Variants in TEX55 observed in about 807,000 individuals in gnomAD.
The protein encoded by TEX55 is testis expressed 55, also known as testis-specific expressed protein 55.
Under a neutral mutation model 44.6 loss-of-function variants are expected in TEX55, and 31 were observed. The ratio of observed to expected loss-of-function variants is 0.69; its 90% CI spans 0.52 to 0.94. The LOEUF (loss-of-function observed/expected upper bound fraction) is 0.94. TEX55 is among the 40% of genes least tolerant of loss of function. The pLI is 0.00. For synonymous variants in TEX55, 230 were observed against 230.9 expected, an observed-to-expected ratio of 1.00 and a Z score of 0.04; for missense variants, 639 against 638.4, an observed-to-expected ratio of 1.00 and a Z score of -0.01.
At chr3:119,150,335 GAA>G (rs11308951) in intron 2 of TEX55, among the ~76,000 whole-genome samples, 2 of 151,840 alleles carry the variant, frequency 1.3e-5, no homozygotes, top group Non-Finnish European at 2.9e-5. Flanking sequence ...CACCTGTGAA[GAA>G]AAAAACTGCT....
Position 119,151,346 on chromosome 3 carries a change from C to A in TEX55, c.*54C>A. 6.9e-7 allele frequency: 1 copy of A among 1,458,712 alleles called. No homozygotes were observed. The highest frequency in any genetic ancestry group is 9.6e-7 in the Non-Finnish European group (1 of 1,043,042). 90.4% of individuals were successfully genotyped at this position (1,458,712 alleles called of 1,614,324 possible). The stretch of plus-strand genomic sequence containing the variant: ...TCTCTTTATTGTAAAATACAGCACA[C>A]ATACAGCAAAGTGTATAGAACAAAG... On this transcript the variant is annotated 3_prime_UTR_variant, in exon 3 of 3. Coordinates refer to ENST00000295622, the MANE Select transcript of TEX55 (RefSeq NM_152539.3).
At position 119,151,292 on chromosome 3, in the gene TEX55, G is replaced by A; in HGVS notation, c.1611G>A (p.Ter537=). The A allele has an allele frequency of 6.2e-7, 1 of 1,612,292 alleles. No homozygotes were observed. Among genetic ancestry groups the A allele is most frequent in the Non-Finnish European group, 8.5e-7 (1 of 1,178,788 alleles). The change falls in exon 3 of 3, where the codon TAG becomes TAA. Residue 537 remains the stop codon, a stop_retained_variant. Coordinates refer to ENST00000295622, the MANE Select transcript of TEX55 (RefSeq NM_152539.3). ...DPLNFMLCQV[*] ...TGAATTTTATGCTGTGCCAGGTATA[G>A]AATTGGAGAAAAAGAACAACCTTTT... is the stretch of plus-strand genomic sequence containing the variant.
rs747327549 is a variant in TEX55 at position 119,146,993 on chromosome 3, AAGAAGTTCTG to A, written c.810_819del (p.Ser270ArgfsTer32). 5 of 1,614,020 alleles carry A rather than the reference AAGAAGTTCTG, an allele frequency of 3.1e-6. No homozygotes were observed. The highest frequency in any genetic ancestry group is 4.2e-6 in the Non-Finnish European group (5 of 1,180,002). On this transcript the variant is annotated frameshift_variant, in exon 1 of 3. Transcript: ENST00000295622. LOFTEE classifies it high-confidence loss of function. ...GCAGAATGTCAGGGAAAGTTAGGAG[AAGAAGTTCTG>A]AGAAGACTGACTACAGATTGGCTGG... is the stretch of plus-strand genomic sequence containing the variant.
At chr3:119,150,299 A>G (rs1249406635) in intron 2 of TEX55, among the ~76,000 whole-genome samples, 1 of 146,876 alleles carries the variant, frequency 6.8e-6, no homozygotes, top group African/African-American at 2.5e-5. Context: ...GAGACAGTAG[A>G]GTTTTAATCA....
In TEX55 at chr3:119,147,475, C is replaced by T. The variant is rs1348464056; in HGVS notation, c.1286C>T (p.Thr429Ile). The T allele has an allele frequency of 1.9e-6, 3 of 1,614,132 alleles. No homozygotes were observed. The highest frequency in any genetic ancestry group is 2.5e-6 in the Non-Finnish European group (3 of 1,180,026). The change falls in exon 1 of 3, where the codon ACC (threonine) becomes ATC (isoleucine). Residue 429 changes from threonine (T) to isoleucine (I), a missense_variant. By Grantham distance (89) the Thr-to-Ile change is moderately conservative. Coordinates refer to ENST00000295622, the MANE Select transcript of TEX55 (RefSeq NM_152539.3). ...PPYNPVDARF[T>I]SNFQAKDQAL... ...TACAACCCAGTTGATGCCAGATTCA[C>T]CAGTAACTTCCAAGCAAAAGACCAA...
chr3:119,147,550 G>A lies in TEX55; in HGVS notation c.1361G>A (p.Ser454Asn). ...ATCTCATCCAAATTGAACTATACCA[G>A]CAGTCAAGAAAAAACTCAAGCCATA... ...PSISSKLNYT[S>N]SQEKTQAIVT... The change falls in exon 1 of 3, where the codon AGC (serine) becomes AAC (asparagine). Residue 454 changes from serine to asparagine, a missense_variant. Ser to Asn is a conservative substitution (Grantham distance 46). Transcript: ENST00000295622. 1 of 1,613,444 alleles carries A rather than the reference G, an allele frequency of 6.2e-7. No individual in the cohort carries two copies. The highest frequency in any genetic ancestry group is 8.5e-7 in the Non-Finnish European group (1 of 1,179,886).
In TEX55 at chr3:119,146,738, A is replaced by G. The variant is rs1559891466; in HGVS notation, c.549A>G (p.Ala183=). 4 of 1,614,158 alleles carry G rather than the reference A, an allele frequency of 2.5e-6. No homozygotes were observed. Among genetic ancestry groups the G allele is most frequent in the Non-Finnish European group, 3.4e-6 (4 of 1,179,994 alleles). Residue 183 remains alanine, a synonymous_variant, in exon 1 of 3, where the codon GCA becomes GCG. Coordinates refer to ENST00000295622, the MANE Select transcript of TEX55 (RefSeq NM_152539.3). ...RGSRQTDHRM[A]GQSERRASEQ... ...CCAGACAGACCGACCACAGAATGGC[A>G]GGCCAGTCTGAGAGAAGAGCTTCCG...
At position 119,146,469 on chromosome 3, in the gene TEX55, C is replaced by T. The variant is rs771952122; in HGVS notation, c.280C>T (p.Pro94Ser). Residue 94 changes from proline (P) to serine (S), a missense_variant, in exon 1 of 3, where the codon CCT becomes TCT. Physicochemically the swap from Pro to Ser is moderately conservative, Grantham distance 74. Transcript: ENST00000295622. ...PGQAGRRASN[P>S]ADVSDLRADD... ...TCAGGCTGGCCGCAGAGCATCCAAC[C>T]CTGCTGATGTTTCTGACCTTAGAGC... 5 of 1,614,136 alleles carry T rather than the reference C, an allele frequency of 3.1e-6. No homozygotes were observed. The highest frequency in any genetic ancestry group is 4.2e-6 in the Non-Finnish European group (5 of 1,180,036).
rs770171918 is a variant in TEX55, at chr3:119,148,224, C to T, written c.1443C>T (p.Arg481=). 1 of 1,611,188 alleles carries T rather than the reference C, an allele frequency of 6.2e-7. No homozygotes were observed. The highest frequency in any genetic ancestry group is 8.5e-7 in the Non-Finnish European group (1 of 1,178,688). The change falls in exon 2 of 3, where the codon CGC becomes CGT. Residue 481 remains arginine, a synonymous_variant. Coordinates refer to ENST00000295622, the MANE Select transcript of TEX55 (RefSeq NM_152539.3). ...ACCAAGGAAAGGGTTATCATATACG[C>T]AATCAAACTTATAGAAGGTTCCCTT... ...EIDQGKGYHI[R]NQTYRRFPSI...
At position 119,146,679 on chromosome 3, in the gene TEX55, G is replaced by A; in HGVS notation, c.490G>A (p.Gly164Ser). The change falls in exon 1 of 3, where the codon GGT becomes AGT. Residue 164 changes from glycine to serine, a missense_variant. Gly to Ser is a moderately conservative substitution (Grantham distance 56). Transcript: ENST00000295622. ...GAGAAGAACTTCTGGGCAGATTGATGGTAGACTGGCTATGCCATCTGACCA... is the reference window on the plus strand; with the variant it reads ...GAGAAGAACTTCTGGGCAGATTGATAGTAGACTGGCTATGCCATCTGACCA... Reference protein sequence around the residue: ...AERRTSGQIDGRLAMPSDQRG... With the variant: ...AERRTSGQIDSRLAMPSDQRG... 6.2e-7 allele frequency: 1 copy of A among 1,614,204 alleles called. No homozygotes were observed. The highest frequency in any genetic ancestry group is 8.5e-7 in the Non-Finnish European group (1 of 1,180,038).
Position 119,151,313 on chromosome 3 carries a change from C to T in TEX55, c.*21C>T. 6.2e-7 allele frequency: 1 copy of T among 1,604,644 alleles called. No homozygotes were observed. The highest frequency in any genetic ancestry group is 8.5e-7 in the Non-Finnish European group (1 of 1,172,214). ...TATAGAATTGGAGAAAAAGAACAACCTTTTTATTCTCTTTATTGTAAAATA... is the reference window on the plus strand; with the variant it reads ...TATAGAATTGGAGAAAAAGAACAACTTTTTTATTCTCTTTATTGTAAAATA... On this transcript the variant is annotated 3_prime_UTR_variant, in exon 3 of 3. Coordinates refer to ENST00000295622, the MANE Select transcript of TEX55 (RefSeq NM_152539.3).
rs1308435351 is a variant in TEX55 at position 119,146,353 on chromosome 3, C to CT, written c.165dup (p.Ala56CysfsTer6). The stretch of plus-strand genomic sequence containing the variant: ...ACTGCTCACAGAATAGCTGACCAGA[C>CT]TGCCCTAAGAGTGCCTAGCCAGGCT... On this transcript the variant is annotated frameshift_variant, in exon 1 of 3. Coordinates refer to ENST00000295622, the MANE Select transcript of TEX55 (RefSeq NM_152539.3). LOFTEE classifies it high-confidence loss of function. 27 of 1,614,050 alleles carry CT rather than the reference C, an allele frequency of 1.7e-5. No individual in the cohort carries two copies. Among genetic ancestry groups the CT allele is most frequent in the African/African-American group, 4.0e-5 (3 of 74,934 alleles).
rs1348458644 is a variant in TEX55 at position 119,151,312 on chromosome 3, C to A, written c.*20C>A. 6.2e-7 allele frequency: 1 copy of A among 1,603,860 alleles called. No homozygotes were observed. Among genetic ancestry groups the A allele is most frequent in the African/African-American group, 1.3e-5 (1 of 74,620 alleles). On this transcript the variant is annotated 3_prime_UTR_variant, in exon 3 of 3. Coordinates refer to ENST00000295622, the MANE Select transcript of TEX55 (RefSeq NM_152539.3). ...GTATAGAATTGGAGAAAAAGAACAA[C>A]CTTTTTATTCTCTTTATTGTAAAAT...
chr3:119,150,962 A>C (rs1216692757), intron 2 of TEX55, among the ~76,000 whole-genome samples: 1 of 152,190 alleles, frequency 6.6e-6, no homozygotes, highest in African/African-American at 2.4e-5. Context: ...AGCCAGAAAT[A>C]GTGGTGTGCA....
chr3:119,147,671 A>C, intron 1 of TEX55, 84 bp downstream of exon 1: 1 of 1,099,830 alleles, frequency 9.1e-7, no homozygotes, highest in Non-Finnish European at 1.3e-6. Flanking sequence ...GGTACAACGG[A>C]AGGGCACATG....
intron 2 of TEX55, among the ~76,000 whole-genome samples, chr3:119,150,994 G>A (rs2077776051): frequency 6.6e-6 from 1 of 152,154 alleles, no homozygotes. Flanking sequence ...AGCTACTCAG[G>A]ATGCTGAGGC....
intron 1 of TEX55, 26 bp downstream of exon 1, chr3:119,147,613 T>C (rs756898160): frequency 1.9e-6 from 3 of 1,578,812 alleles, no homozygotes; most frequent in Non-Finnish European, 2.6e-6. Context: ...ATTTGATACC[T>C]ACCTGGGAGA....
intron 1 of TEX55, 141 bp downstream of exon 1, chr3:119,147,728 C>T (rs1296093330): frequency 5.4e-6 from 4 of 744,220 alleles, no homozygotes; most frequent in Middle Eastern, 2.9e-4. Flanking sequence ...GTATGTGTGA[C>T]CCATAATTTC....
chr3:119,149,923 G>A (rs1171612717), intron 2 of TEX55, among the ~76,000 whole-genome samples: 1 of 152,110 alleles, frequency 6.6e-6, no homozygotes, highest in African/African-American at 2.4e-5. Context: ...GGAACTTGTG[G>A]TTAGAAAGGT....
Sources: gnomAD v4.1 joint callset for allele counts (sites outside exome capture counted in the v4.1 genomes callset) on GRCh38, gnomAD v4.1.1 for gene constraint, MANE v1.5 for transcripts, NCBI Gene and HGNC (gene_info 2026-07-23, HGNC 2026-07-21) for gene names.